PRKG1: variants seen among roughly 807,000 people sequenced by gnomAD.
PRKG1 encodes protein kinase cGMP-dependent 1.
A neutral mutation model predicts 88.1 loss-of-function variants in PRKG1; 35 were observed. The observed-to-expected ratio is 0.40, with a 90% confidence interval of 0.30 to 0.53. PRKG1 has a LOEUF of 0.53. Among genes scored for constraint, PRKG1 ranks in the 20% least tolerant of loss-of-function variants. PRKG1 has a pLI of 0.59. For synonymous variants in PRKG1, 303 were observed against 292.5 expected, an observed-to-expected ratio of 1.04 and a Z score of -0.37; for missense variants, 540 against 839.8, an observed-to-expected ratio of 0.64 and a Z score of 4.41.
intron 2 of PRKG1, among the ~76,000 whole-genome samples, chr10:51,354,894 G>A (rs1842331488): frequency 6.6e-6 from 1 of 152,106 alleles, no homozygotes; most frequent in Non-Finnish European, 1.5e-5. Flanking sequence ...TCTGTGCTGT[G>A]TAGGCTCAGA....
chr10:51,753,204 T>C (rs1301499371), intron 3 of PRKG1, among the ~76,000 whole-genome samples: 3 of 152,108 alleles, frequency 2.0e-5, no homozygotes, highest in African/African-American at 4.8e-5. Context: ...TCTAATCAAT[T>C]TTATGGAAGA....
intron 9 of PRKG1, among the ~76,000 whole-genome samples, chr10:52,201,829 G>A (rs964778049): frequency 7.9e-5 from 12 of 152,094 alleles, no homozygotes; most frequent in African/African-American, 4.8e-5. Context: ...CTGTGAATGG[G>A]ATTGCATTCT....
At chr10:51,252,743 T>C (rs940670944) in intron 2 of PRKG1, among the ~76,000 whole-genome samples, 10 of 151,824 alleles carry the variant, frequency 6.6e-5, no homozygotes, top group African/African-American at 2.4e-4. Context: ...TGAATAGTTC[T>C]GAATGGCAGT....
chr10:51,474,026 C>T (rs928304203), intron 3 of PRKG1, among the ~76,000 whole-genome samples: 2 of 151,934 alleles, frequency 1.3e-5, no homozygotes, highest in Non-Finnish European at 2.9e-5. Flanking sequence ...GCCTATAGGT[C>T]AGGGTCAGGA....
chr10:51,448,737 G>A (rs1029563679), intron 2 of PRKG1, among the ~76,000 whole-genome samples: 1 of 151,946 alleles, frequency 6.6e-6, no homozygotes, highest in East Asian at 1.9e-4. Flanking sequence ...CACAGGTGGT[G>A]TAGGACTCAT....
chr10:52,096,168 A>G (rs74135142), intron 7 of PRKG1, among the ~76,000 whole-genome samples: 2,281 of 152,292 alleles, frequency 0.015, 45 homozygotes, highest in Middle Eastern at 0.051. Flanking sequence ...CTGGTGCTAC[A>G]TCTTCTAAGA....
At chr10:52,169,008 C>T (rs922397991) in intron 9 of PRKG1, among the ~76,000 whole-genome samples, 12 of 151,854 alleles carry the variant, frequency 7.9e-5, no homozygotes, top group African/African-American at 2.4e-4. Flanking sequence ...ACGAACATTT[C>T]GATGTTAGAT....
At chr10:51,917,679 G>A (rs1160024773) in intron 5 of PRKG1, among the ~76,000 whole-genome samples, 4 of 152,234 alleles carry the variant, frequency 2.6e-5, no homozygotes, top group African/African-American at 7.2e-5. Flanking sequence ...AAGAGATTTG[G>A]TAGGGATGTT....
At chr10:52,111,321 A>G (rs566904665) in intron 7 of PRKG1, among the ~76,000 whole-genome samples, 5 of 152,214 alleles carry the variant, frequency 3.3e-5, no homozygotes, top group Admixed American at 6.5e-5. Context: ...TAAATACACA[A>G]AAATGTCAGC....
At chr10:52,210,739 C>T (rs1427429329) in intron 9 of PRKG1, among the ~76,000 whole-genome samples, 2 of 152,130 alleles carry the variant, frequency 1.3e-5, no homozygotes, top group African/African-American at 2.4e-5. Flanking sequence ...AATAAGGAGG[C>T]TCACTCATTC....
chr10:51,331,003 G>A (rs1478464636), intron 2 of PRKG1, among the ~76,000 whole-genome samples: 1 of 152,176 alleles, frequency 6.6e-6, no homozygotes, highest in Non-Finnish European at 1.5e-5. Flanking sequence ...AGTCTCAGGT[G>A]TGCCACAGCA....
chr10:51,456,926 T>C (rs1839602408), intron 2 of PRKG1, among the ~76,000 whole-genome samples: 2 of 151,790 alleles, frequency 1.3e-5, no homozygotes, highest in South Asian at 4.2e-4. Flanking sequence ...ATAAAAACAG[T>C]CAAAAAACAT....
intron 7 of PRKG1, among the ~76,000 whole-genome samples, chr10:52,131,354 G>A (rs12762026): frequency 2.0e-5 from 3 of 152,108 alleles, no homozygotes; most frequent in African/African-American, 7.2e-5. Flanking sequence ...CTTGGATGGA[G>A]AGGTATGTAG....
intron 2 of PRKG1, among the ~76,000 whole-genome samples, chr10:51,259,318 T>G (rs562892964): frequency 6.6e-6 from 1 of 152,226 alleles, no homozygotes; most frequent in African/African-American, 2.4e-5. Flanking sequence ...GATGTATTTT[T>G]TCTTGAAAAA....
chr10:52,212,503 TG>T (rs1355505207), intron 9 of PRKG1, among the ~76,000 whole-genome samples: 3 of 152,262 alleles, frequency 2.0e-5, no homozygotes, highest in Non-Finnish European at 4.4e-5. Context: ...CCCTGTTCCT[TG>T]ATTTTTTAAA....
intron 3 of PRKG1, among the ~76,000 whole-genome samples, chr10:51,544,742 G>A (rs1031870444): frequency 9.2e-5 from 14 of 151,956 alleles, no homozygotes; most frequent in South Asian, 2.1e-4. Context: ...TTTAATGATC[G>A]CCATTCTAAC....
rs543614359 is a variant in PRKG1, at chr10:51,349,636, A to G, written c.479-118087A>G. ...ATTCTCCTGCCTTAGCCTCCCAAAT[A>G]GCTGGGACTACAGGCATGCACCACC... On this transcript the variant is annotated intron_variant, in intron 2 of 17. Coordinates refer to ENST00000373980, the MANE Select transcript of PRKG1 (RefSeq NM_006258.4). 1.1e-4 allele frequency among the ~76,000 whole-genome samples: 17 copies of G among 151,506 alleles called. No homozygotes were observed. The South Asian group carries it at 3.5e-3, about 32-fold the overall frequency.
At chr10:51,541,308 A>C (rs1054991759) in intron 3 of PRKG1, among the ~76,000 whole-genome samples, 9 of 152,080 alleles carry the variant, frequency 5.9e-5, no homozygotes, top group African/African-American at 9.7e-5. Context: ...GTTAACGCTC[A>C]CTCATCTTCC....
chr10:51,404,183 G>A (rs957639134), intron 2 of PRKG1, among the ~76,000 whole-genome samples: 6 of 152,186 alleles, frequency 3.9e-5, no homozygotes, highest in African/African-American at 1.4e-4. Context: ...TGCATCAAGA[G>A]TATTTCAGAT....
Sources: allele counts gnomAD v4.1 joint callset (sites outside exome capture counted in the v4.1 genomes callset), GRCh38; gene constraint gnomAD v4.1.1; transcripts MANE v1.5; gene names NCBI Gene and HGNC (gene_info 2026-07-23, HGNC 2026-07-21).